MYO10: variants seen among roughly 807,000 people sequenced by gnomAD.
MYO10 encodes myosin X.
MYO10 carries 133 observed loss-of-function variants against 257.3 expected under a neutral mutation model. That is an observed-to-expected ratio of 0.52 (90% confidence interval 0.45 to 0.60). The LOEUF (loss-of-function observed/expected upper bound fraction) is 0.60. Among genes scored for constraint, MYO10 ranks in the 20% least tolerant of loss-of-function variants. The pLI is 0.00. For synonymous variants in MYO10, 1,104 were observed against 1,028.6 expected (o/e 1.07, Z -1.40); for missense variants, 2,399 against 2,635.7 (o/e 0.91, Z 1.97).
chr5:16,885,120 A>C (rs1744860213), intron 1 of MYO10, among the ~76,000 whole-genome samples: 2 of 152,140 alleles, frequency 1.3e-5, no homozygotes, highest in Admixed American at 6.6e-5. Flanking sequence ...AAACATAAGG[A>C]AAAGAGGAGC....
chr5:16,748,609 GGAGA>G (rs34860839), intron 19 of MYO10, among the ~76,000 whole-genome samples: 31,203 of 144,870 alleles, frequency 0.22, 4,460 homozygotes, highest in African/African-American at 0.42. Flanking sequence ...AGAAAAAGAG[GGAGA>G]GAGGGAGAGA....
In MYO10 at chr5:16,875,003, G is replaced by A. The variant is rs896303014; in HGVS notation, c.120+2606C>T. Among the ~76,000 whole-genome samples the A allele has an allele frequency of 2.0e-5, 3 of 152,230 alleles. No individual in the cohort carries two copies. In the East Asian group the frequency reaches 5.8e-4, roughly 29 times the overall value. On this transcript the variant is annotated intron_variant, in intron 2 of 40. Transcript: ENST00000513610. ...GGAAGAAGCAAAAGCGGAAACCCCT[G>A]ATAAACCCATCAGATCTCATGAGAC... is the stretch of plus-strand genomic sequence containing the variant.
intron 19 of MYO10, among the ~76,000 whole-genome samples, chr5:16,732,074 G>C (rs1739605697): frequency 6.6e-6 from 1 of 152,174 alleles, no homozygotes; most frequent in African/African-American, 2.4e-5. Flanking sequence ...AAGGGTGAGA[G>C]ATAAAGCTGA....
intron 19 of MYO10, among the ~76,000 whole-genome samples, chr5:16,740,572 A>G (rs768011876): frequency 1.3e-5 from 2 of 152,134 alleles, no homozygotes; most frequent in Non-Finnish European, 2.9e-5. Context: ...CCGGGAGGGA[A>G]GCCGACCGAC....
At chr5:16,807,285 ACACCTGTTACTT>A (rs1406603691) in intron 3 of MYO10, among the ~76,000 whole-genome samples, 1 of 152,112 alleles carries the variant, frequency 6.6e-6, no homozygotes, top group Non-Finnish European at 1.5e-5. Flanking sequence ...CCTCCCCCAA[ACACCTGTTACTT>A]CACACATAGT....
rs1213312147 is a variant in MYO10, at chr5:16,713,845, C to T, written c.1930-2600G>A. The stretch of plus-strand genomic sequence containing the variant: ...TTCGCCTTTCAAAACTCTGCTACTG[C>T]GCTGCCTCCACTGGTAACTAACTAG... On this transcript the variant is annotated intron_variant, in intron 19 of 40. Transcript: ENST00000513610. 5.9e-5 allele frequency among the ~76,000 whole-genome samples: 9 copies of T among 152,306 alleles called. No homozygotes were observed. In the East Asian group the frequency reaches 1.5e-3, roughly 26 times the overall value.
At chr5:16,911,511 C>T (rs1221434741) in intron 1 of MYO10, among the ~76,000 whole-genome samples, 2 of 151,978 alleles carry the variant, frequency 1.3e-5, no homozygotes, top group Non-Finnish European at 2.9e-5. Context: ...GCGGGGGGAT[C>T]CCTTGAGCTC....
intron 3 of MYO10, among the ~76,000 whole-genome samples, chr5:16,810,155 A>G (rs958390850): frequency 2.6e-5 from 4 of 152,112 alleles, no homozygotes; most frequent in African/African-American, 9.7e-5. Context: ...TGGGTACATA[A>G]TAATTTGAGA....
At chr5:16,699,330 C>T in intron 26 of MYO10, 120 bp downstream of exon 26, 1 of 1,320,072 alleles carries the variant, frequency 7.6e-7, no homozygotes, top group Non-Finnish European at 1.0e-6. Context: ...TTTCCCAGTC[C>T]CCATCCATCA....
rs1736415037 is a variant in MYO10, at chr5:16,670,766, C to T, written c.5643G>A (p.Arg1881=). Residue 1881 remains arginine, a synonymous_variant, in exon 39 of 41, where the codon CGG becomes CGA. Coordinates refer to ENST00000513610, the MANE Select transcript of MYO10 (RefSeq NM_012334.3). ...TCAGGGTCCCCTCTAGGAAGCTCGT[C>T]CGCCTCTTCTCCAGCCGTTCACAAG... ...FTPCERLEKR[R]TSFLEGTLRR... 6.2e-7 allele frequency: 1 copy of T among 1,614,022 alleles called. No homozygotes were observed. The highest frequency in any genetic ancestry group is 8.5e-7 in the Non-Finnish European group (1 of 1,179,896).
At chr5:16,887,706 G>C (rs909488812) in intron 1 of MYO10, among the ~76,000 whole-genome samples, 1 of 152,026 alleles carries the variant, frequency 6.6e-6, no homozygotes, top group Non-Finnish European at 1.5e-5. Context: ...GGCCAGGCTG[G>C]TATCAAACGA....
chr5:16,894,114 T>C (rs1745154731), intron 1 of MYO10, among the ~76,000 whole-genome samples: 8 of 152,194 alleles, frequency 5.3e-5, no homozygotes, highest in Admixed American at 4.6e-4. Context: ...TTACATAATG[T>C]GGACATTTAT....
chr5:16,690,836 T>C (rs1481390281), intron 27 of MYO10, among the ~76,000 whole-genome samples: 1 of 151,722 alleles, frequency 6.6e-6, no homozygotes, highest in African/African-American at 2.4e-5. Context: ...TAAACAACAC[T>C]AGAGAAATAA....
At chr5:16,850,220 C>A (rs1385814763) in intron 2 of MYO10, among the ~76,000 whole-genome samples, 2 of 152,178 alleles carry the variant, frequency 1.3e-5, no homozygotes, top group Non-Finnish European at 2.9e-5. Flanking sequence ...TCTTTATTTA[C>A]AATGCCTTAA....
intron 1 of MYO10, chr5:16,916,188 A>T (rs1224511322): frequency 6.6e-6 from 3 of 455,260 alleles, no homozygotes; most frequent in South Asian, 3.1e-5. Context: ...CCGCCACGTC[A>T]GGGTCAGCTA....
chr5:16,701,188 G>A lies in MYO10; in HGVS notation c.3207C>T (p.Gly1069=), dbSNP rs61732579. The stretch of plus-strand genomic sequence containing the variant: ...TCTGGGGCATGCAGTAGGTGGACTC[G>A]CCGCTGGAGGAGTTGTGTAGGCTCC... The part of the protein sequence containing the change: ...DSGSLHNSSS[G]ESTYCMPQNA... Residue 1069 remains glycine (G), a synonymous_variant, in exon 25 of 41, where the codon GGC becomes GGT. Coordinates refer to ENST00000513610, the MANE Select transcript of MYO10 (RefSeq NM_012334.3). The surrounding 1 kb of genome is among the most constrained non-coding windows in gnomAD (Gnocchi z 8.1). 9.1e-4 allele frequency: 1,467 copies of A among 1,608,746 alleles called. 13 individuals are homozygous for A. The African/African-American group carries it at 0.017, about 19-fold the overall frequency.
intron 29 of MYO10, among the ~76,000 whole-genome samples, chr5:16,684,935 T>A (rs898115209): frequency 2.0e-4 from 30 of 151,992 alleles, no homozygotes; most frequent in African/African-American, 7.2e-4. Flanking sequence ...TAGTCCCAGC[T>A]ACTTGGGAGG....
At position 16,689,799 on chromosome 5, in the gene MYO10, CACAAAGT is replaced by C. The variant is rs778784451; in HGVS notation, c.3896+18_3896+24del. The C allele has an allele frequency of 2.9e-5, 45 of 1,568,620 alleles. No homozygotes were observed. Among genetic ancestry groups the C allele is most frequent in the Non-Finnish European group, 3.7e-5 (42 of 1,139,160 alleles). ...GCATGAGGGAGCAGGATGTGGGTAACACAAAGTCAACAGCGCAGACTCACCTGGCATC... is the reference window on the plus strand; with the variant it reads ...GCATGAGGGAGCAGGATGTGGGTAACCAACAGCGCAGACTCACCTGGCATC... On this transcript the variant is annotated intron_variant, in intron 28 of 40. Coordinates refer to ENST00000513610, the MANE Select transcript of MYO10 (RefSeq NM_012334.3).
At position 16,676,104 on chromosome 5, in the gene MYO10, C is replaced by A. The variant is rs7732751; in HGVS notation, c.4593G>T (p.Pro1531=). The A allele has an allele frequency of 1.9e-6, 3 of 1,613,188 alleles. No individual in the cohort carries two copies. The highest frequency in any genetic ancestry group is 2.5e-6 in the Non-Finnish European group (3 of 1,179,582). Residue 1531 remains proline, a synonymous_variant, in exon 34 of 41, where the codon CCG becomes CCT. Coordinates refer to ENST00000513610, the MANE Select transcript of MYO10 (RefSeq NM_012334.3). Reference sequence around the variant, plus strand: ...AGGGGTGATGGGTGTATCGAAGGATCGGGTTCCGCTTGTAAATCTGTTCCA... The same window carrying A: ...AGGGGTGATGGGTGTATCGAAGGATAGGGTTCCGCTTGTAAATCTGTTCCA... The part of the protein sequence containing the change: ...DVVEQIYKRN[P]ILRYTHHPLH...
Sources: allele counts gnomAD v4.1 joint callset (sites outside exome capture counted in the v4.1 genomes callset), GRCh38; gene constraint gnomAD v4.1.1; non-coding constraint Gnocchi (gnomAD v3.1); transcripts MANE v1.5; gene names NCBI Gene and HGNC (gene_info 2026-07-23, HGNC 2026-07-21).